ATF2: variants seen among roughly 807,000 people sequenced by gnomAD.
ATF2 encodes the protein cyclic AMP-dependent transcription factor ATF-2.
ATF2 carries 24 observed loss-of-function variants against 60.6 expected under a neutral mutation model. The ratio of observed to expected loss-of-function variants is 0.40; its 90% CI spans 0.29 to 0.56. The LOEUF (loss-of-function observed/expected upper bound fraction) is 0.56, where lower values mean the gene tolerates loss of function less well. ATF2 is among the 20% of genes least tolerant of loss of function. ATF2 has a pLI of 0.54. For synonymous variants in ATF2, 206 were observed against 215.4 expected (o/e 0.96, Z 0.38); for missense variants, 433 against 607.7 (o/e 0.71, Z 3.02).
chr2:175,132,327 G>A (rs184327437), intron 3 of ATF2, among the ~76,000 whole-genome samples: 2 of 152,024 alleles, frequency 1.3e-5, no homozygotes, highest in African/African-American at 2.4e-5. Flanking sequence ...GATTTTTTTC[G>A]GATACTCTTT....
At chr2:175,080,821 T>C in intron 12 of ATF2, 56 bp from the exon 13 acceptor site, 1 of 1,387,560 alleles carries the variant, frequency 7.2e-7, no homozygotes, top group Non-Finnish European at 1.0e-6. Context: ...TTTTTACTAT[T>C]TAAAACAAGC....
At chr2:175,124,595 T>C (rs1697193629) in intron 4 of ATF2, among the ~76,000 whole-genome samples, 1 of 151,942 alleles carries the variant, frequency 6.6e-6, no homozygotes. Context: ...CTCATTTCAC[T>C]ACTTTTTTCA....
At chr2:175,157,728 C>T (rs907695316) in intron 1 of ATF2, among the ~76,000 whole-genome samples, 1 of 152,180 alleles carries the variant, frequency 6.6e-6, no homozygotes, top group Admixed American at 6.5e-5. Flanking sequence ...GGCACAGTGG[C>T]TCATGCCTGT....
intron 1 of ATF2, among the ~76,000 whole-genome samples, chr2:175,165,192 T>C (rs542720570): frequency 2.0e-5 from 3 of 152,346 alleles, no homozygotes; most frequent in Non-Finnish European, 4.4e-5. Flanking sequence ...ATGCATTGAC[T>C]TTTATAAAAA....
At chr2:175,133,547 A>T (rs1044889345) in intron 3 of ATF2, among the ~76,000 whole-genome samples, 2 of 152,200 alleles carry the variant, frequency 1.3e-5, no homozygotes, top group African/African-American at 4.8e-5. Context: ...CATGGAAAAA[A>T]GATTTTTAGC....
chr2:175,089,609 T>C (rs1473971644), intron 12 of ATF2, among the ~76,000 whole-genome samples: 2 of 152,218 alleles, frequency 1.3e-5, no homozygotes, highest in African/African-American at 2.4e-5. Flanking sequence ...GGTTTTGCTG[T>C]TGGCAGACTG....
chr2:175,074,756 G>A lies in ATF2; in HGVS notation c.1371C>T (p.Val457=), dbSNP rs772072332. 1 of 1,613,560 alleles carries A rather than the reference G, an allele frequency of 6.2e-7. No homozygotes were observed. The highest frequency in any genetic ancestry group is 8.5e-7 in the Non-Finnish European group (1 of 1,179,710). Residue 457 remains valine (V), a synonymous_variant, in exon 14 of 14, where the codon GTC becomes GTT. Coordinates refer to ENST00000264110, the MANE Select transcript of ATF2 (RefSeq NM_001880.4). ...PHTEAIQHSS[V]STSNGVSSTS... ...TTGAACTGACTCCATTGGATGTGCT[G>A]ACCGAACTATGCTGTATAGCTTCTG... is the stretch of plus-strand genomic sequence containing the variant.
At chr2:175,105,318 C>T (rs879349395) in intron 10 of ATF2, among the ~76,000 whole-genome samples, 1 of 150,638 alleles carries the variant, frequency 6.6e-6, no homozygotes, top group African/African-American at 2.5e-5. Flanking sequence ...CTGCCCCCCC[C>T]CCAAAAAAAT....
chr2:175,130,541 G>A (rs1697657372), intron 3 of ATF2, among the ~76,000 whole-genome samples: 1 of 152,028 alleles, frequency 6.6e-6, no homozygotes, highest in Non-Finnish European at 1.5e-5. Context: ...GTCTTCCAAG[G>A]ATCCTACTGT....
chr2:175,078,170 T>C (rs1193820354), intron 13 of ATF2, among the ~76,000 whole-genome samples: 1 of 152,108 alleles, frequency 6.6e-6, no homozygotes, highest in African/African-American at 2.4e-5. Context: ...GGGGTCCCGC[T>C]ATTTCACCCA....
At chr2:175,107,291 G>C (rs1695736229) in intron 10 of ATF2, among the ~76,000 whole-genome samples, 1 of 152,156 alleles carries the variant, frequency 6.6e-6, no homozygotes. Flanking sequence ...ATGTTGACAA[G>C]AATGTGGGAA....
Position 175,113,986 on chromosome 2 carries a change from T to A in ATF2, c.741+8A>T, listed in dbSNP as rs1042682231. On this transcript the variant is annotated splice_region_variant and intron_variant, in intron 9 of 13. Transcript: ENST00000264110. ...GCGATAGAGATTTAAATAGTCTAAC[T>A]TTCTTACTGGGACTGCAGCTGGAAC... The A allele has an allele frequency of 6.3e-7, 1 of 1,596,212 alleles. No individual in the cohort carries two copies.
chr2:175,129,871 T>C (rs762312532), intron 4 of ATF2, among the ~76,000 whole-genome samples: 1 of 152,068 alleles, frequency 6.6e-6, no homozygotes, highest in Non-Finnish European at 1.5e-5. Context: ...TACTTTTATA[T>C]CTTGGACTTT....
chr2:175,110,488 CTGT>C (rs1696101994), intron 10 of ATF2, among the ~76,000 whole-genome samples: 1 of 152,260 alleles, frequency 6.6e-6, no homozygotes, highest in African/African-American at 2.4e-5. Flanking sequence ...TAATTAATTG[CTGT>C]TGTTAGCCCT....
At chr2:175,148,656 T>C (rs1316136661) in intron 2 of ATF2, among the ~76,000 whole-genome samples, 3 of 152,206 alleles carry the variant, frequency 2.0e-5, no homozygotes, top group African/African-American at 4.8e-5. Context: ...GTAAGATTGA[T>C]AGAACAGACT....
At chr2:175,120,018 AT>A (rs1696845127) in intron 5 of ATF2, among the ~76,000 whole-genome samples, 1 of 151,630 alleles carries the variant, frequency 6.6e-6, no homozygotes, top group African/African-American at 2.4e-5. Flanking sequence ...TAACCTATTC[AT>A]CTCAACATGT....
At chr2:175,167,441 C>A (rs1700434775) in intron 1 of ATF2, among the ~76,000 whole-genome samples, 1 of 152,092 alleles carries the variant, frequency 6.6e-6, no homozygotes, top group African/African-American at 2.4e-5. Context: ...ACGGAAAAGG[C>A]CGAGACTTCC....
intron 1 of ATF2, among the ~76,000 whole-genome samples, chr2:175,162,086 T>G (rs1022838027): frequency 6.6e-6 from 1 of 152,134 alleles, no homozygotes; most frequent in African/African-American, 2.4e-5. Context: ...AAACTAGCAT[T>G]AAAATACTCA....
intron 3 of ATF2, among the ~76,000 whole-genome samples, chr2:175,135,006 TAAAAAAAAAA>T (rs60122560): frequency 7.0e-5 from 6 of 85,782 alleles, no homozygotes; most frequent in East Asian, 3.4e-4. Flanking sequence ...CCCATCTCTT[TAAAAAAAAAA>T]AAAAAAAAAA....
Sources: gnomAD v4.1 joint callset for allele counts (sites outside exome capture counted in the v4.1 genomes callset) on GRCh38, gnomAD v4.1.1 for gene constraint, MANE v1.5 for transcripts, NCBI Gene and HGNC (gene_info 2026-07-23, HGNC 2026-07-21) for gene names.